Variants in STXBP5L observed in about 807,000 individuals in gnomAD.
STXBP5L encodes syntaxin-binding protein 5-like.
In STXBP5L, 65 loss-of-function variants were observed where a neutral mutation model predicts 144.5. The observed-to-expected ratio is 0.45, with a 90% CI of 0.37 to 0.55. The LOEUF (loss-of-function observed/expected upper bound fraction) is 0.55. Among genes scored for constraint, STXBP5L ranks in the 20% least tolerant of loss-of-function variants. The pLI is 0.00. For missense variants in STXBP5L, 1,298 were observed against 1,405.5 expected (o/e 0.92, Z 1.22); for synonymous variants, 505 against 469.6 (o/e 1.08, Z -0.97).
intron 20 of STXBP5L, among the ~76,000 whole-genome samples, chr3:121,334,846 G>A (rs1448985860): frequency 6.6e-6 from 1 of 152,136 alleles, no homozygotes; most frequent in Non-Finnish European, 1.5e-5. Flanking sequence ...CAAACCCACA[G>A]CCAACATCAT....
rs536344939 is a variant in STXBP5L, at chr3:121,098,126, T to A, written c.471-16799T>A. On this transcript the variant is annotated intron_variant, in intron 5 of 26. Coordinates refer to ENST00000471454, the MANE Select transcript of STXBP5L (RefSeq NM_001308330.2). ...CAAGAAATGTGGAAAGCACATTATA[T>A]TATCTAATATCTTGATATGTTTTTT... Among the ~76,000 whole-genome samples the A allele has an allele frequency of 2.6e-5, 4 of 152,352 alleles. No individual in the cohort carries two copies. In the East Asian group the frequency reaches 7.7e-4, roughly 29 times the overall value.
intron 19 of STXBP5L, among the ~76,000 whole-genome samples, chr3:121,301,142 T>C (rs1320564114): frequency 1.3e-5 from 2 of 152,194 alleles, no homozygotes; most frequent in East Asian, 3.8e-4. Flanking sequence ...TTGGGCAGTA[T>C]GGCCATTTTC....
chr3:121,030,993 C>G (rs1442895191), intron 3 of STXBP5L, among the ~76,000 whole-genome samples: 2 of 152,030 alleles, frequency 1.3e-5, no homozygotes, highest in African/African-American at 2.4e-5. Context: ...TAGAAGTGAC[C>G]TAATGTGGAT....
intron 19 of STXBP5L, among the ~76,000 whole-genome samples, chr3:121,315,803 A>AC (rs2108525106): frequency 6.6e-6 from 1 of 152,014 alleles, no homozygotes; most frequent in South Asian, 2.1e-4. Flanking sequence ...GGAGTTCGAG[A>AC]CCAGCCTGGC....
chr3:121,156,334 A>C lies in STXBP5L; in HGVS notation c.754-1170A>C, dbSNP rs1020925488. 3.3e-5 allele frequency among the ~76,000 whole-genome samples: 5 copies of C among 152,072 alleles called. No homozygotes were observed. The East Asian group carries it at 9.6e-4, about 29-fold the overall frequency. On this transcript the variant is annotated intron_variant, in intron 8 of 26. Coordinates refer to ENST00000471454, the MANE Select transcript of STXBP5L (RefSeq NM_001308330.2). ...TTTAGTTGTATGTGTCTGTGTGTGA[A>C]GTTTCAAAAAATAAATATGATTAGT...
intron 19 of STXBP5L, among the ~76,000 whole-genome samples, chr3:121,299,757 C>A (rs900360010): frequency 1.3e-5 from 2 of 151,882 alleles, no homozygotes; most frequent in African/African-American, 4.8e-5. Flanking sequence ...GAAGCTGAGG[C>A]AGGTGGATCA....
intron 4 of STXBP5L, among the ~76,000 whole-genome samples, chr3:121,043,967 T>C (rs73187437): frequency 0.036 from 5,409 of 152,242 alleles, 147 homozygotes; most frequent in Middle Eastern, 0.082. Context: ...AAAAATCAAG[T>C]GTAACTCATC....
chr3:121,071,664 A>G (rs138301386), intron 5 of STXBP5L, among the ~76,000 whole-genome samples: 58 of 152,332 alleles, frequency 3.8e-4, no homozygotes, highest in African/African-American at 1.3e-3. Context: ...GTTGGGTTCT[A>G]TTGTTTGACC....
rs1377493931 is a variant in STXBP5L, at chr3:120,976,981, G to A, written c.287+21944G>A. ...TACTTCCAACTATGTGGTCAATTTT[G>A]GAATAGGTGTGGTGTGGTGCTGAAA... On this transcript the variant is annotated intron_variant, in intron 3 of 26. Coordinates refer to ENST00000471454, the MANE Select transcript of STXBP5L (RefSeq NM_001308330.2). 3.3e-5 allele frequency among the ~76,000 whole-genome samples: 5 copies of A among 152,102 alleles called. No homozygotes were observed. The East Asian group carries it at 9.7e-4, about 29-fold the overall frequency.
intron 19 of STXBP5L, among the ~76,000 whole-genome samples, chr3:121,315,563 G>A (rs1204461947): frequency 1.3e-5 from 2 of 151,608 alleles, no homozygotes; most frequent in Non-Finnish European, 2.9e-5. Flanking sequence ...CAGCATACCA[G>A]CATGGCACAT....
chr3:121,259,019 A>G (rs943550924), intron 17 of STXBP5L, 24 bp from the exon 18 acceptor site: 1 of 1,583,918 alleles, frequency 6.3e-7, no homozygotes. Flanking sequence ...GCTGTATATA[A>G]TAGGATTGTT....
At position 120,954,975 on chromosome 3, in the gene STXBP5L, A is replaced by G. The variant is rs1296238184; in HGVS notation, c.225A>G (p.Ala75=). Residue 75 remains alanine (A), a synonymous_variant, in exon 3 of 27, where the codon GCA becomes GCG. Transcript: ENST00000471454. ...ATGGTTTTCCTCATCAGCCCACAGC[A>G]TTAGCCTTTGATCCAGTTCAGAAAA... ...VRHGFPHQPT[A]LAFDPVQKIL... 1.2e-6 allele frequency: 2 copies of G among 1,612,752 alleles called. No homozygotes were observed. Among genetic ancestry groups the G allele is most frequent in the Non-Finnish European group, 1.7e-6 (2 of 1,179,208 alleles).
At chr3:121,281,402 T>C (rs1433077489) in intron 19 of STXBP5L, among the ~76,000 whole-genome samples, 1 of 151,996 alleles carries the variant, frequency 6.6e-6, no homozygotes, top group Non-Finnish European at 1.5e-5. Flanking sequence ...TCACATAACG[T>C]GAGGTTTCCT....
intron 2 of STXBP5L, among the ~76,000 whole-genome samples, chr3:120,943,473 A>C (rs1454573300): frequency 1.3e-5 from 2 of 149,118 alleles, no homozygotes; most frequent in Non-Finnish European, 3.0e-5. Context: ...AGGATAAAAT[A>C]AGTTAGTAAC....
intron 5 of STXBP5L, among the ~76,000 whole-genome samples, chr3:121,079,505 G>A (rs781536201): frequency 1.3e-5 from 2 of 152,172 alleles, no homozygotes; most frequent in Non-Finnish European, 2.9e-5. Context: ...ACAATTTGCA[G>A]CAACTTTAAG....
intron 9 of STXBP5L, among the ~76,000 whole-genome samples, chr3:121,189,955 G>A (rs898517755): frequency 9.9e-5 from 15 of 151,978 alleles, no homozygotes; most frequent in Admixed American, 8.5e-4. Flanking sequence ...GCACTTATAA[G>A]TGTAATCGAT....
intron 9 of STXBP5L, among the ~76,000 whole-genome samples, chr3:121,166,382 T>A (rs1179397032): frequency 1.3e-5 from 2 of 152,202 alleles, no homozygotes; most frequent in Non-Finnish European, 2.9e-5. Flanking sequence ...TTTTCAGATA[T>A]AACTTCTTTC....
chr3:121,159,483 C>A (rs2046237131), intron 9 of STXBP5L, among the ~76,000 whole-genome samples: 1 of 152,046 alleles, frequency 6.6e-6, no homozygotes, highest in South Asian at 2.1e-4. Context: ...AATTTCTAAG[C>A]ATGTTTTTTA....
intron 9 of STXBP5L, among the ~76,000 whole-genome samples, chr3:121,204,225 C>T (rs377448967): frequency 4.0e-5 from 6 of 151,810 alleles, no homozygotes; most frequent in East Asian, 1.9e-4. Flanking sequence ...GGTGACAGAG[C>T]GAGACTCTGT....
Sources: allele counts gnomAD v4.1 joint callset (sites outside exome capture counted in the v4.1 genomes callset), GRCh38; gene constraint gnomAD v4.1.1; transcripts MANE v1.5; gene names NCBI Gene and HGNC (gene_info 2026-07-23, HGNC 2026-07-21).